The following VAV3 variants were observed in gnomAD, a reference collection of about 807,000 sequenced individuals.
VAV3 encodes guanine nucleotide exchange factor VAV3.
In VAV3, 94 loss-of-function variants were observed where a neutral mutation model predicts 131.2. The observed-to-expected ratio is 0.72, with a 90% CI of 0.61 to 0.85. The LOEUF is 0.85. Among genes scored for constraint, VAV3 ranks in the 40% least tolerant of loss-of-function variants. The pLI, the probability that VAV3 is intolerant of heterozygous loss-of-function variation, is 0.00. For missense variants in VAV3, 939 were observed against 1,002.7 expected (o/e 0.94, Z 0.86); for synonymous variants, 349 against 342.0 (o/e 1.02, Z -0.22).
intron 2 of VAV3, among the ~76,000 whole-genome samples, chr1:107,824,631 A>G (rs1294898235): frequency 6.6e-6 from 1 of 152,176 alleles, no homozygotes; most frequent in Non-Finnish European, 1.5e-5. Context: ...CAGCAAGAGG[A>G]CATTTTATGT....
chr1:107,701,355 C>T (rs75251232), intron 17 of VAV3, among the ~76,000 whole-genome samples: 1 of 151,894 alleles, frequency 6.6e-6, no homozygotes, highest in African/African-American at 2.4e-5. Flanking sequence ...CTGAGCTGTA[C>T]GTTGGCCCCT....
At position 107,829,147 on chromosome 1, in the gene VAV3, T is replaced by C. The variant is rs537568555; in HGVS notation, c.321+45754A>G. ...AGAGATGTTAGTAAAATAAACTAAA[T>C]GATTTGTGAAAAGAATTACAATAGG... On this transcript the variant is annotated intron_variant, in intron 2 of 26. Coordinates refer to ENST00000370056, the MANE Select transcript of VAV3 (RefSeq NM_006113.5). 4.6e-5 allele frequency among the ~76,000 whole-genome samples: 7 copies of C among 152,284 alleles called. No homozygotes were observed. The East Asian group carries it at 9.6e-4, about 21-fold the overall frequency.
chr1:107,705,775 C>A (rs142641113), intron 15 of VAV3, among the ~76,000 whole-genome samples: 143 of 152,228 alleles, frequency 9.4e-4, no homozygotes, highest in African/African-American at 3.4e-3. Flanking sequence ...ATCCTAACTG[C>A]CTGGCACGAA....
chr1:107,874,703 T>G (rs72981496), intron 2 of VAV3, among the ~76,000 whole-genome samples, 198 bp downstream of exon 2: 2,735 of 142,448 alleles, frequency 0.019, 87 homozygotes, highest in African/African-American at 0.068. Flanking sequence ...TTTTTTGGTG[T>G]TGTTGTTGTA....
At chr1:107,964,412 C>T in intron 1 of VAV3, 5 of 417,574 alleles carry the variant, frequency 1.2e-5, no homozygotes, top group Non-Finnish European at 2.2e-5. Context: ...ATTTCTTTCC[C>T]GCCTCACAGA....
intron 25 of VAV3, among the ~76,000 whole-genome samples, chr1:107,574,963 C>CTCTCTGTGTGTGTG (rs1304869776): frequency 2.5e-5 from 2 of 81,176 alleles, no homozygotes; most frequent in African/African-American, 4.5e-5. Flanking sequence ...TTGAGTTTCT[C>CTCTCTGTGTGTGTG]TGTGTGTGTG....
intron 15 of VAV3, among the ~76,000 whole-genome samples, chr1:107,721,854 C>T (rs866274121): frequency 5.9e-5 from 9 of 152,312 alleles, no homozygotes; most frequent in Admixed American, 6.5e-5. Flanking sequence ...CAACCTGTTG[C>T]CTTGTGTCTT....
intron 7 of VAV3, 35 bp from the exon 8 acceptor site, chr1:107,766,585 A>T: frequency 6.5e-7 from 1 of 1,545,344 alleles, no homozygotes; most frequent in Non-Finnish European, 8.9e-7. Context: ...GGAAAGTAGG[A>T]ATAACAACCA....
chr1:107,627,207 C>T (rs1042622361), intron 20 of VAV3, among the ~76,000 whole-genome samples: 2 of 152,134 alleles, frequency 1.3e-5, no homozygotes, highest in Non-Finnish European at 2.9e-5. Context: ...TTTCTGTAAA[C>T]CCCTATCTCT....
At chr1:107,658,555 A>G (rs1450126837) in intron 19 of VAV3, among the ~76,000 whole-genome samples, 1 of 152,122 alleles carries the variant, frequency 6.6e-6, no homozygotes, top group African/African-American at 2.4e-5. Flanking sequence ...ACTAGTTAAC[A>G]GTCCCACCAA....
Position 107,582,866 on chromosome 1 carries a change from T to C in VAV3, c.2351-8668A>G, listed in dbSNP as rs570849833. 8.1e-4 allele frequency among the ~76,000 whole-genome samples: 123 copies of C among 152,192 alleles called. 1 individual carries two copies. Among genetic ancestry groups the C allele is most frequent in the African/African-American group, 2.9e-3 (122 of 41,520 alleles). On this transcript the variant is annotated intron_variant, in intron 25 of 26. Coordinates refer to ENST00000370056, the MANE Select transcript of VAV3 (RefSeq NM_006113.5). ...TTTGCTATTGTGAATAGTGATGCAA[T>C]AAACATACGTGTGCATGTGTCTTTA... is the stretch of plus-strand genomic sequence containing the variant.
At chr1:107,734,485 A>G (rs1662462828) in intron 15 of VAV3, among the ~76,000 whole-genome samples, 1 of 152,230 alleles carries the variant, frequency 6.6e-6, no homozygotes, top group South Asian at 2.1e-4. Context: ...AGAGACACAC[A>G]CAGGCTCAAA....
chr1:107,804,064 C>T (rs1331212569), intron 2 of VAV3, among the ~76,000 whole-genome samples: 2 of 152,040 alleles, frequency 1.3e-5, no homozygotes, highest in African/African-American at 2.4e-5. Context: ...TTATTCCCCC[C>T]ATTTTTTGGT....
chr1:107,667,731 A>T (rs1657512393), intron 19 of VAV3, among the ~76,000 whole-genome samples: 1 of 152,206 alleles, frequency 6.6e-6, no homozygotes, highest in African/African-American at 2.4e-5. Flanking sequence ...AAAAGACAGT[A>T]TAAAAAACAA....
intron 2 of VAV3, among the ~76,000 whole-genome samples, chr1:107,856,235 A>C (rs191164608): frequency 1.3e-5 from 2 of 152,244 alleles, no homozygotes; most frequent in East Asian, 3.8e-4. Flanking sequence ...TACTGATGGC[A>C]GTCACAGAAA....
At chr1:107,818,472 A>AGGAAAGGAGG (rs924343772) in intron 2 of VAV3, among the ~76,000 whole-genome samples, 19 of 152,180 alleles carry the variant, frequency 1.2e-4, no homozygotes, top group African/African-American at 4.6e-4. Flanking sequence ...GAAAGGAAAC[A>AGGAAAGGAGG]GGAAAGGAGG....
intron 2 of VAV3, among the ~76,000 whole-genome samples, chr1:107,783,614 G>C (rs539234303): frequency 5.9e-5 from 9 of 152,222 alleles, no homozygotes; most frequent in African/African-American, 2.2e-4. Flanking sequence ...GTACCATCCT[G>C]AACCCAGTGA....
chr1:107,791,259 A>G (rs750128804), intron 2 of VAV3, among the ~76,000 whole-genome samples: 3 of 152,088 alleles, frequency 2.0e-5, no homozygotes, highest in South Asian at 2.1e-4. Flanking sequence ...TAAACTCAGA[A>G]CTTCATTCAA....
chr1:107,670,022 C>T (rs562214345), intron 19 of VAV3, among the ~76,000 whole-genome samples: 1 of 152,228 alleles, frequency 6.6e-6, no homozygotes, highest in East Asian at 1.9e-4. Context: ...AGTTTTCTAT[C>T]TTGATTAATA....
Sources: allele counts gnomAD v4.1 joint callset (sites outside exome capture counted in the v4.1 genomes callset), GRCh38; gene constraint gnomAD v4.1.1; transcripts MANE v1.5; gene names NCBI Gene and HGNC (gene_info 2026-07-23, HGNC 2026-07-21).